The following PCDHGB5 variants were observed in gnomAD, a reference collection of about 807,000 sequenced individuals.
The protein encoded by PCDHGB5 is protocadherin gamma subfamily B, 5.
In PCDHGB5, 48 loss-of-function variants were observed where a neutral mutation model predicts 62.9. The ratio of observed to expected loss-of-function variants is 0.76; its 90% CI spans 0.61 to 0.97. The LOEUF (loss-of-function observed/expected upper bound fraction) is 0.97. Among genes scored for constraint, PCDHGB5 ranks in the 50% least tolerant of loss-of-function variants. The probability of loss-of-function intolerance (pLI) is 0.00; values close to 1 mark genes in which losing one functional copy is unlikely to be tolerated. For synonymous variants in PCDHGB5, 474 were observed against 511.2 expected (o/e 0.93, Z 0.98); for missense variants, 1,118 against 1,198.6 (o/e 0.93, Z 0.99).
intron 2 of PCDHGB5, among the ~76,000 whole-genome samples, chr5:141,499,029 A>G (rs140948405): frequency 1.5e-3 from 205 of 140,068 alleles, no homozygotes; most frequent in African/African-American, 5.5e-3. Context: ...AGGAAGGAAG[A>G]AAAGAAAGAA....
At chr5:141,410,847 G>GTTTT (rs773839667) in intron 1 of PCDHGB5, 2 of 158,344 alleles carry the variant, frequency 1.3e-5, no homozygotes, top group African/African-American at 1.7e-4. Context: ...TTTTGTCTTT[G>GTTTT]TCTTTTTTTT....
chr5:141,436,087 T>C (rs927404291), intron 1 of PCDHGB5, among the ~76,000 whole-genome samples: 1 of 152,198 alleles, frequency 6.6e-6, no homozygotes, highest in Non-Finnish European at 1.5e-5. Flanking sequence ...CTATAGGTAA[T>C]ATTGAGAGAA....
At chr5:141,421,146 C>T in intron 1 of PCDHGB5, 1 of 1,015,090 alleles carries the variant, frequency 9.9e-7, no homozygotes, top group Non-Finnish European at 1.4e-6. Flanking sequence ...TGGATGTAGT[C>T]GGCCTAGGAC....
chr5:141,491,544 C>G lies in PCDHGB5; in HGVS notation c.2398-3263C>G, dbSNP rs546391464. The G allele has an allele frequency of 1.1e-5, 17 of 1,614,018 alleles. No individual in the cohort carries two copies. In the Admixed American group the frequency reaches 1.8e-4, roughly 17 times the overall value. Reference sequence around the variant, plus strand: ...TGGAGGTGACGCTGCGGCCCACAGACTCGCAGAGCCACTGCTACAGGACGT... The same window carrying G: ...TGGAGGTGACGCTGCGGCCCACAGAGTCGCAGAGCCACTGCTACAGGACGT... On this transcript the variant is annotated intron_variant, in intron 1 of 3. Transcript: ENST00000617380. The surrounding 1 kb of genome is among the most constrained non-coding windows in gnomAD (Gnocchi z 6.9).
In PCDHGB5 at chr5:141,487,680, A is replaced by G; in HGVS notation, c.2398-7127A>G. On this transcript the variant is annotated intron_variant, in intron 1 of 3. Coordinates refer to ENST00000617380, the MANE Select transcript of PCDHGB5 (RefSeq NM_018925.3). This position sits in a 1 kb window ranked among gnomAD's most constrained non-coding sequence, Gnocchi z 5.0. ...TCTGATCCAGGCATATGGCTAGGCC[A>G]TGTCCTAGAGAGTACTGGCCTCTCA... 6.2e-7 allele frequency: 1 copy of G among 1,609,370 alleles called. No individual in the cohort carries two copies. The highest frequency in any genetic ancestry group is 2.2e-5 in the East Asian group (1 of 44,826).
chr5:141,501,475 G>A (rs1305778190), intron 2 of PCDHGB5, among the ~76,000 whole-genome samples: 5 of 152,014 alleles, frequency 3.3e-5, no homozygotes, highest in Admixed American at 3.3e-4. Flanking sequence ...AATCCTGGAA[G>A]AGTCCCTCAT....
chr5:141,433,038 C>A, intron 1 of PCDHGB5: 3 of 1,614,180 alleles, frequency 1.9e-6, no homozygotes, highest in Non-Finnish European at 2.5e-6. Flanking sequence ...GTTTCCCTCA[C>A]CACGGACTCG....
At chr5:141,462,984 T>G (rs1349170605) in intron 1 of PCDHGB5, among the ~76,000 whole-genome samples, 1 of 152,156 alleles carries the variant, frequency 6.6e-6, no homozygotes, top group African/African-American at 2.4e-5. Context: ...ACTTTTGCCT[T>G]GGGCTAATTT....
chr5:141,487,499 G>A lies in PCDHGB5; in HGVS notation c.2398-7308G>A, dbSNP rs2099647158. On this transcript the variant is annotated intron_variant, in intron 1 of 3. Transcript: ENST00000617380. This position sits in a 1 kb window ranked among gnomAD's most constrained non-coding sequence, Gnocchi z 5.0. ...CCACTCTCATGGCTGTACACCCTTGGCTTCTGCACCCACTCGGAGTGATAG... is the reference window on the plus strand; with the variant it reads ...CCACTCTCATGGCTGTACACCCTTGACTTCTGCACCCACTCGGAGTGATAG... The A allele has an allele frequency of 3.1e-6, 5 of 1,614,152 alleles. No homozygotes were observed. The highest frequency in any genetic ancestry group is 2.2e-5 in the East Asian group (1 of 44,852).
rs542113846 is a variant in PCDHGB5 at position 141,433,037 on chromosome 5, A to G, written c.2397+32513A>G. ...GACCTATTCCCACGAGGTTTCCCTCACCACGGACTCGCGGAAGAGTCACCT... is the reference window on the plus strand; with the variant it reads ...GACCTATTCCCACGAGGTTTCCCTCGCCACGGACTCGCGGAAGAGTCACCT... On this transcript the variant is annotated intron_variant, in intron 1 of 3. Coordinates refer to ENST00000617380, the MANE Select transcript of PCDHGB5 (RefSeq NM_018925.3). 249 of 1,614,172 alleles carry G rather than the reference A, an allele frequency of 1.5e-4. 6 individuals are homozygous for G. The South Asian group carries it at 2.5e-3, about 16-fold the overall frequency.
chr5:141,505,704 G>A (rs770933428), intron 3 of PCDHGB5, among the ~76,000 whole-genome samples: 1 of 152,184 alleles, frequency 6.6e-6, no homozygotes, highest in Non-Finnish European at 1.5e-5. Context: ...GAGCGAACAA[G>A]GAAAAGACTC....
rs35482758 is a variant in PCDHGB5, at chr5:141,473,653, G to A, written c.2398-21154G>A. On this transcript the variant is annotated intron_variant, in intron 1 of 3. Coordinates refer to ENST00000617380, the MANE Select transcript of PCDHGB5 (RefSeq NM_018925.3). ...AGCTTTCCTGGCAAAGGAACAATTT[G>A]TGTGAAGGCCCTGAGACAGGGAAGG... Among the ~76,000 whole-genome samples, 302 of 152,274 alleles carry A rather than the reference G, an allele frequency of 2.0e-3. 1 individual carries two copies. Among genetic ancestry groups the A allele is most frequent in the Middle Eastern group, 0.01 (3 of 294 alleles).
chr5:141,427,995 G>C (rs1292989797), intron 1 of PCDHGB5: 2 of 1,599,590 alleles, frequency 1.3e-6, no homozygotes, highest in African/African-American at 2.7e-5. Flanking sequence ...CGATGGCTCC[G>C]CACTCTTCGA....
At chr5:141,460,596 C>G (rs930441447) in intron 1 of PCDHGB5, among the ~76,000 whole-genome samples, 2 of 151,986 alleles carry the variant, frequency 1.3e-5, no homozygotes, top group Non-Finnish European at 2.9e-5. Flanking sequence ...TTTCTGGGCT[C>G]TCTGTGTTAG....
rs374095590 is a variant in PCDHGB5, at chr5:141,431,523, T to C, written c.2397+30999T>C. On this transcript the variant is annotated intron_variant, in intron 1 of 3. Coordinates refer to ENST00000617380, the MANE Select transcript of PCDHGB5 (RefSeq NM_018925.3). This position sits in a 1 kb window ranked among gnomAD's most constrained non-coding sequence, Gnocchi z 4.8. ...TACCGCGCGAGCGTTCCGGAGAATC[T>C]GGCCTTGGGCACGCAGCTGCTTGTA... 13 of 1,613,952 alleles carry C rather than the reference T, an allele frequency of 8.1e-6. No homozygotes were observed. The African/African-American group carries it at 1.5e-4, about 18-fold the overall frequency.
At chr5:141,503,598 C>CAAA (rs765754054) in intron 2 of PCDHGB5, among the ~76,000 whole-genome samples, 1 of 65,748 alleles carries the variant, frequency 1.5e-5, no homozygotes. Context: ...GACTCCAGCT[C>CAAA]AAAAAAAAAA....
intron 1 of PCDHGB5, among the ~76,000 whole-genome samples, chr5:141,466,594 C>G (rs557960608): frequency 6.6e-6 from 1 of 152,268 alleles, no homozygotes; most frequent in Admixed American, 6.5e-5. Flanking sequence ...TTAAAACAAG[C>G]TAGCTACTTG....
chr5:141,404,142 C>CAGA (rs781433913), intron 1 of PCDHGB5: 9 of 1,612,668 alleles, frequency 5.6e-6, no homozygotes, highest in Non-Finnish European at 6.8e-6. Flanking sequence ...TTAGAAAATT[C>CAGA]AGAAGAAGAT....
At position 141,510,979 on chromosome 5, in the gene PCDHGB5, G is replaced by T; in HGVS notation, c.2578G>T (p.Gly860Cys). 3.7e-6 allele frequency: 6 copies of T among 1,614,156 alleles called. No individual in the cohort carries two copies. Among genetic ancestry groups the T allele is most frequent in the Non-Finnish European group, 4.2e-6 (5 of 1,180,018 alleles). Residue 860 changes from glycine to cysteine, a missense_variant, in exon 4 of 4, where the codon GGT becomes TGT. Gly to Cys is a radical substitution (Grantham distance 159). This residue lies in a region of PCDHGB5 where 1,034 missense variants were observed against 1,029.1 expected (regional missense o/e 1.00). Coordinates refer to ENST00000617380, the MANE Select transcript of PCDHGB5 (RefSeq NM_018925.3). ...TGATGGGAGCTCCACCCTGGGAGGGGGTGCCGGCACCATGGGATTGAGCGC... is the reference window on the plus strand; with the variant it reads ...TGATGGGAGCTCCACCCTGGGAGGGTGTGCCGGCACCATGGGATTGAGCGC... Reference protein sequence around the residue: ...AADGSSTLGGGAGTMGLSARY... With the variant: ...AADGSSTLGGCAGTMGLSARY...
Sources: gnomAD v4.1 joint callset for allele counts (sites outside exome capture counted in the v4.1 genomes callset) on GRCh38, gnomAD v4.1.1 for gene constraint, gnomAD v4.1.1 regional missense constraint, Gnocchi (gnomAD v3.1) non-coding constraint, MANE v1.5 for transcripts, NCBI Gene and HGNC (gene_info 2026-07-23, HGNC 2026-07-21) for gene names.